The following SPATA18 variants were observed in gnomAD, a reference collection of about 807,000 sequenced individuals.
The protein encoded by SPATA18 is mitochondria-eating protein.
A neutral mutation model predicts 68.1 loss-of-function variants in SPATA18; 54 were observed. The ratio of observed to expected loss-of-function variants is 0.79; its 90% CI spans 0.64 to 0.99. The LOEUF (loss-of-function observed/expected upper bound fraction) is 0.99, where lower values mean the gene tolerates loss of function less well. Ranked by LOEUF, SPATA18 falls within the 50% of genes least tolerant of loss-of-function variation. SPATA18 has a pLI of 0.00. For missense variants in SPATA18, 724 were observed against 681.1 expected (o/e 1.06, Z -0.70); for synonymous variants, 242 against 244.8 (o/e 0.99, Z 0.11).
At chr4:52,075,295 G>T (rs1740238905) in intron 6 of SPATA18, among the ~76,000 whole-genome samples, 1 of 152,134 alleles carries the variant, frequency 6.6e-6, no homozygotes, top group African/African-American at 2.4e-5. Flanking sequence ...GAGCCTTGGG[G>T]TTATTGGCTA....
Position 52,078,757 on chromosome 4 carries a change from T to C in SPATA18, c.1043T>C (p.Met348Thr), listed in dbSNP as rs1321497049. The change falls in exon 8 of 13, where the codon ATG becomes ACG. Residue 348 changes from methionine to threonine, a missense_variant. Physicochemically the swap from Met to Thr is moderately conservative, Grantham distance 81. Coordinates refer to ENST00000295213, the MANE Select transcript of SPATA18 (RefSeq NM_145263.4). ...ATVEAFHVAK[M>T]AFRHFKIHVR... ...CAGGAGGCATTCCATGTAGCAAAAATGGCATTCAGACACTTCAAGATCCAT... is the reference window on the plus strand; with the variant it reads ...CAGGAGGCATTCCATGTAGCAAAAACGGCATTCAGACACTTCAAGATCCAT... The C allele has an allele frequency of 2.5e-6, 4 of 1,584,654 alleles. No individual in the cohort carries two copies. Among genetic ancestry groups the C allele is most frequent in the Non-Finnish European group, 3.5e-6 (4 of 1,156,884 alleles).
At chr4:52,081,451 T>C (rs970442043) in intron 9 of SPATA18, among the ~76,000 whole-genome samples, 7 of 152,244 alleles carry the variant, frequency 4.6e-5, no homozygotes, top group African/African-American at 1.7e-4. Flanking sequence ...CTTCAGGGTT[T>C]CTTCATATGA....
chr4:52,088,649 A>T (rs1347355351), intron 11 of SPATA18, among the ~76,000 whole-genome samples: 1 of 152,162 alleles, frequency 6.6e-6, no homozygotes, highest in Non-Finnish European at 1.5e-5. Flanking sequence ...TTCATAGTGG[A>T]TAAGCTTTTT....
chr4:52,069,356 C>T (rs1739599055), intron 4 of SPATA18, among the ~76,000 whole-genome samples: 1 of 152,124 alleles, frequency 6.6e-6, no homozygotes, highest in South Asian at 2.1e-4. Context: ...ATTGTGAGGA[C>T]TTTATAGGTG....
At position 52,060,988 on chromosome 4, in the gene SPATA18, G is replaced by T. The variant is rs1738800195; in HGVS notation, c.309+91G>T. 23 of 1,013,720 alleles carry T rather than the reference G, an allele frequency of 2.3e-5. 1 individual carries two copies. In the South Asian group the frequency reaches 3.1e-4, roughly 13 times the overall value. The allele number at this position is 1,013,720 out of a possible 1,614,324, so 62.8% of individuals were successfully genotyped here. ...AAGAGAAGAAGAGGACTTGATTTTG[G>T]TAGACTGATAGAGTGTCACAATTTG... On this transcript the variant is annotated intron_variant, in intron 3 of 12. Transcript: ENST00000295213.
chr4:52,082,434 A>G lies in SPATA18; in HGVS notation c.1403A>G (p.Tyr468Cys), dbSNP rs777391456. ...GATTTCACTGCTCCCTTAGTCCTCT[A>G]TCACGTGTGGCCTGCTCTCATGGAG... ...DSDFTAPLVLYHVWPALMEND... is the reference protein window; with the variant it reads ...DSDFTAPLVLCHVWPALMEND... The change falls in exon 10 of 13, where the codon TAT becomes TGT. Residue 468 changes from tyrosine to cysteine, a missense_variant. Coordinates refer to ENST00000295213, the MANE Select transcript of SPATA18 (RefSeq NM_145263.4). The G allele has an allele frequency of 1.7e-5, 28 of 1,614,024 alleles. No individual in the cohort carries two copies. Among genetic ancestry groups the G allele is most frequent in the Middle Eastern group, 3.3e-4 (2 of 6,082 alleles).
At chr4:52,070,562 A>T (rs2613116) in intron 5 of SPATA18, among the ~76,000 whole-genome samples, 19,493 of 151,372 alleles carry the variant, frequency 0.13, 1,489 homozygotes, top group South Asian at 0.27. Flanking sequence ...GAGGGATAGC[A>T]TTAGGAGATA....
At chr4:52,092,099 T>C (rs1245122771) in intron 11 of SPATA18, among the ~76,000 whole-genome samples, 2 of 152,332 alleles carry the variant, frequency 1.3e-5, no homozygotes, top group East Asian at 3.9e-4. Context: ...TCTGCTGTGC[T>C]GGCAGTGAGA....
intron 6 of SPATA18, among the ~76,000 whole-genome samples, chr4:52,076,254 G>A (rs1740331996): frequency 1.3e-5 from 2 of 152,060 alleles, no homozygotes; most frequent in South Asian, 4.1e-4. Flanking sequence ...TAGGCAAAAG[G>A]GTCATCTAAG....
intron 10 of SPATA18, chr4:52,083,581 C>CA (rs1411594414): frequency 7.7e-6 from 5 of 651,914 alleles, no homozygotes; most frequent in East Asian, 2.8e-4. Context: ...CTCATCTCTA[C>CA]AAAAAATAAA....
At chr4:52,052,021 C>A (rs1321683062) in intron 1 of SPATA18, among the ~76,000 whole-genome samples, 1 of 152,168 alleles carries the variant, frequency 6.6e-6, no homozygotes, top group African/African-American at 2.4e-5. Flanking sequence ...GCCTGCGGAG[C>A]GCAGCACTAG....
In SPATA18 at chr4:52,095,014, C is replaced by A. The variant is rs929289509; in HGVS notation, c.*127C>A. ...TGTCAAAAGGCAATTCTGTGTATCACCCCACACAGAGAGTTAAATGTTTTG... is the reference window on the plus strand; with the variant it reads ...TGTCAAAAGGCAATTCTGTGTATCAACCCACACAGAGAGTTAAATGTTTTG... On this transcript the variant is annotated 3_prime_UTR_variant, in exon 13 of 13. Transcript: ENST00000295213. 1.6e-5 allele frequency: 17 copies of A among 1,090,450 alleles called. No homozygotes were observed. The highest frequency in any genetic ancestry group is 2.4e-5 in the Non-Finnish European group (17 of 714,088). 67.5% of individuals were successfully genotyped at this position (1,090,450 alleles called of 1,614,324 possible). A position where few individuals can be genotyped will look rare whatever the true frequency, so the allele number is the denominator to read the frequency against.
rs548654575 is a variant in SPATA18, at chr4:52,051,658, C to T, written c.-47C>T. On this transcript the variant is annotated 5_prime_UTR_variant, in exon 1 of 13. Coordinates refer to ENST00000295213, the MANE Select transcript of SPATA18 (RefSeq NM_145263.4). Reference sequence around the variant, plus strand: ...TCCTGCGGAGGCCACCGCCTGGTCCCCCCAAGTCTCCATCGCGCAGCGTGG... The same window carrying T: ...TCCTGCGGAGGCCACCGCCTGGTCCTCCCAAGTCTCCATCGCGCAGCGTGG... 2.4e-4 allele frequency: 374 copies of T among 1,590,212 alleles called. 4 individuals carry two copies. In the South Asian group the frequency reaches 3.6e-3, roughly 15 times the overall value.
At chr4:52,086,734 A>G (rs1033909621) in intron 11 of SPATA18, among the ~76,000 whole-genome samples, 1 of 152,094 alleles carries the variant, frequency 6.6e-6, no homozygotes, top group Admixed American at 6.6e-5. Flanking sequence ...ATATGTCTGC[A>G]TGTGTCTTTA....
chr4:52,056,146 C>A (rs768611521), intron 1 of SPATA18, among the ~76,000 whole-genome samples: 16 of 152,056 alleles, frequency 1.1e-4, no homozygotes, highest in Admixed American at 6.6e-5. Flanking sequence ...TGCCCTCAGC[C>A]CTCTCCTCAC....
intron 11 of SPATA18, among the ~76,000 whole-genome samples, chr4:52,088,668 G>A (rs1290953653): frequency 1.3e-5 from 2 of 152,134 alleles, no homozygotes; most frequent in African/African-American, 2.4e-5. Context: ...TTGATGTGCT[G>A]CTGGATTCAG....
intron 4 of SPATA18, among the ~76,000 whole-genome samples, chr4:52,068,926 C>T (rs142569204): frequency 6.6e-6 from 1 of 152,202 alleles, no homozygotes; most frequent in Non-Finnish European, 1.5e-5. Context: ...TGCAGTGGCA[C>T]AGTCATAACT....
chr4:52,082,569 A>G (rs1257070669), intron 10 of SPATA18, 59 bp downstream of exon 10: 5 of 1,613,294 alleles, frequency 3.1e-6, no homozygotes, highest in Non-Finnish European at 4.2e-6. Flanking sequence ...AAGTTCGAGA[A>G]CATTTATAAA....
At chr4:52,090,105 C>G (rs1173841192) in intron 11 of SPATA18, among the ~76,000 whole-genome samples, 3 of 152,110 alleles carry the variant, frequency 2.0e-5, no homozygotes, top group Non-Finnish European at 4.4e-5. Context: ...ATTGCAACCC[C>G]TGCTTTTTTT....
Sources: gnomAD v4.1 joint callset for allele counts (sites outside exome capture counted in the v4.1 genomes callset) on GRCh38, gnomAD v4.1.1 for gene constraint, MANE v1.5 for transcripts, NCBI Gene and HGNC (gene_info 2026-07-23, HGNC 2026-07-21) for gene names.